Variants in BORA observed in about 807,000 individuals in gnomAD.
BORA encodes protein aurora borealis.
A neutral mutation model predicts 55.8 loss-of-function variants in BORA; 26 were observed. The observed-to-expected ratio is 0.47, with a 90% confidence interval of 0.34 to 0.65. The LOEUF is 0.65. Among genes scored for constraint, BORA ranks in the 30% least tolerant of loss-of-function variants. The pLI is 0.01. For synonymous variants in BORA, 201 were observed against 216.9 expected (o/e 0.93, Z 0.64); for missense variants, 568 against 671.5 (o/e 0.85, Z 1.70).
rs1566232498 is a variant in BORA, at chr13:72,755,221, CCT to C, written c.*8_*9del. On this transcript the variant is annotated 3_prime_UTR_variant, in exon 12 of 12. Coordinates refer to ENST00000390667, the MANE Select transcript of BORA (RefSeq NM_024808.5). Reference sequence around the variant, plus strand: ...TTTCAATGCAGCAGTCCATAGAATGCCTCTGTCAGAATCAAAGACTAAGCTTA... The same window carrying C: ...TTTCAATGCAGCAGTCCATAGAATGCCTGTCAGAATCAAAGACTAAGCTTA... 1 of 1,603,150 alleles carries C rather than the reference CCT, an allele frequency of 6.2e-7. No homozygotes were observed. Among genetic ancestry groups the C allele is most frequent in the Admixed American group, 1.7e-5 (1 of 59,982 alleles).
At chr13:72,734,140 C>A (rs1045463981) in intron 3 of BORA, among the ~76,000 whole-genome samples, 12 of 152,130 alleles carry the variant, frequency 7.9e-5, no homozygotes, top group Middle Eastern at 3.4e-3. Flanking sequence ...TACAACAAAC[C>A]CCAGTGACAC....
At chr13:72,730,858 C>A in intron 2 of BORA, among the ~76,000 whole-genome samples, 1 of 149,906 alleles carries the variant, frequency 6.7e-6, no homozygotes, top group African/African-American at 2.5e-5. Context: ...TGAGACCAGC[C>A]TGGCCAACAT....
chr13:72,730,564 A>C (rs1045971342), intron 2 of BORA, among the ~76,000 whole-genome samples: 1 of 152,168 alleles, frequency 6.6e-6, no homozygotes, highest in Admixed American at 6.5e-5. Context: ...GCCACCTCCA[A>C]AGTGACTAAG....
At chr13:72,730,441 C>T (rs1007776471) in intron 2 of BORA, among the ~76,000 whole-genome samples, 1 of 152,136 alleles carries the variant, frequency 6.6e-6, no homozygotes. Flanking sequence ...TTTCTAATTA[C>T]AGATTAGGAT....
Position 72,755,296 on chromosome 13 carries a change from C to A in BORA, c.*80C>A. 7.9e-7 allele frequency: 1 copy of A among 1,260,298 alleles called. No individual in the cohort carries two copies. The highest frequency in any genetic ancestry group is 1.1e-6 in the Non-Finnish European group (1 of 878,114). The allele number at this position is 1,260,298 out of a possible 1,614,324, so 78.1% of individuals were successfully genotyped here. A position where few individuals can be genotyped will look rare whatever the true frequency, so the allele number is the denominator to read the frequency against. On this transcript the variant is annotated 3_prime_UTR_variant, in exon 12 of 12. Transcript: ENST00000390667. ...GTGCACAGGATCAACATGATGGTGA[C>A]TGGGAAAAAATTACTTCAAGTAACA...
Position 72,734,960 on chromosome 13 carries a change from A to G in BORA, c.261A>G (p.Arg87=). The change falls in exon 4 of 12, where the codon CGA becomes CGG. Residue 87 remains arginine, a splice_region_variant and synonymous_variant. Coordinates refer to ENST00000390667, the MANE Select transcript of BORA (RefSeq NM_024808.5). Reference sequence around the variant, plus strand: ...ATTTTTCTTCTTTATCTTTGTATAGAATAGATAAAGATGTGGAAGACAAAA... The same window carrying G: ...ATTTTTCTTCTTTATCTTTGTATAGGATAGATAAAGATGTGGAAGACAAAA... The part of the protein sequence containing the change: ...HRQALYLSHS[R]IDKDVEDKRQ... 5.1e-6 allele frequency: 8 copies of G among 1,570,318 alleles called. No individual in the cohort carries two copies. The highest frequency in any genetic ancestry group is 7.0e-6 in the Non-Finnish European group (8 of 1,141,886).
chr13:72,728,376 G>A (rs2032732543), intron 1 of BORA: 5 of 599,472 alleles, frequency 8.3e-6, no homozygotes, highest in Non-Finnish European at 1.5e-5. Context: ...GGGGACCCCA[G>A]GCAGTTAATT....
intron 5 of BORA, among the ~76,000 whole-genome samples, chr13:72,738,267 T>A (rs1209589544): frequency 6.6e-6 from 1 of 152,148 alleles, no homozygotes; most frequent in Admixed American, 6.5e-5. Context: ...TTCATGACTA[T>A]TGTGAATGTC....
intron 5 of BORA, among the ~76,000 whole-genome samples, chr13:72,740,799 G>A (rs79541542): frequency 0.01 from 1,549 of 152,244 alleles, 12 homozygotes; most frequent in Middle Eastern, 0.027. Context: ...ACAATAGTTT[G>A]CTGACCCTTA....
intron 4 of BORA, 64 bp from the exon 5 acceptor site, chr13:72,737,898 C>G: frequency 9.6e-7 from 1 of 1,044,916 alleles, no homozygotes. Flanking sequence ...CTTGGAAAAA[C>G]ACAGGTACCG....
rs923386348 is a variant in BORA at position 72,732,166 on chromosome 13, A to G, written c.260+779A>G. On this transcript the variant is annotated intron_variant, in intron 3 of 11. Transcript: ENST00000390667. ...ACATGTTGTTAGTCCAAAACAAAGGATAATCCTTTTCCCTTTGACTTAAGA... is the reference window on the plus strand; with the variant it reads ...ACATGTTGTTAGTCCAAAACAAAGGGTAATCCTTTTCCCTTTGACTTAAGA... 3.3e-5 allele frequency among the ~76,000 whole-genome samples: 5 copies of G among 152,314 alleles called. No homozygotes were observed. In the East Asian group the frequency reaches 7.7e-4, roughly 24 times the overall value.
chr13:72,750,807 ATC>A (rs929406734), intron 10 of BORA, among the ~76,000 whole-genome samples: 9 of 152,124 alleles, frequency 5.9e-5, no homozygotes, highest in Non-Finnish European at 1.0e-4. Flanking sequence ...TCAAATGGTG[ATC>A]TGTTTTATAA....
intron 4 of BORA, among the ~76,000 whole-genome samples, chr13:72,736,945 T>A (rs1593808841): frequency 1.3e-5 from 2 of 151,682 alleles, no homozygotes; most frequent in Non-Finnish European, 2.9e-5. Flanking sequence ...CTTTAATTTT[T>A]TTTCTGGTAA....
chr13:72,742,581 T>G (rs1163873867), intron 5 of BORA, among the ~76,000 whole-genome samples: 1 of 151,974 alleles, frequency 6.6e-6, no homozygotes, highest in Non-Finnish European at 1.5e-5. Flanking sequence ...AAAAAAACAT[T>G]ACTTTGGGAT....
Position 72,746,891 on chromosome 13 carries a change from T to C in BORA, c.1262T>C (p.Leu421Ser). ...SSASEKELAL[L>S]QDVEREKDNN... ...GCTTCTGAGAAAGAATTAGCACTGT[T>C]GCAGGATGTTGAAAGGGAGAAAGAC... Residue 421 changes from leucine (L) to serine (S), a missense_variant, in exon 10 of 12, where the codon TTG becomes TCG. By Grantham distance (145) the Leu-to-Ser change is moderately radical (BLOSUM62 -2). Coordinates refer to ENST00000390667, the MANE Select transcript of BORA (RefSeq NM_024808.5). 1 of 1,614,162 alleles carries C rather than the reference T, an allele frequency of 6.2e-7. No homozygotes were observed. Among genetic ancestry groups the C allele is most frequent in the Non-Finnish European group, 8.5e-7 (1 of 1,180,008 alleles).
intron 6 of BORA, among the ~76,000 whole-genome samples, chr13:72,744,212 G>A (rs942735813): frequency 6.6e-6 from 1 of 152,208 alleles, no homozygotes; most frequent in African/African-American, 2.4e-5. Context: ...TTGAAAATTG[G>A]TTAATGTGAG....
At chr13:72,746,364 C>A in intron 9 of BORA, 137 bp from the exon 10 acceptor site, 2 of 1,082,580 alleles carry the variant, frequency 1.8e-6, no homozygotes, top group Non-Finnish European at 2.6e-6. Flanking sequence ...TTTGACATCA[C>A]AATTTCACTT....
In BORA at chr13:72,727,963, G is replaced by T; in HGVS notation, c.-60G>T. On this transcript the variant is annotated 5_prime_UTR_variant, in exon 1 of 12. Transcript: ENST00000390667. ...GTCGTGGAAGCTGGCCTGGCCCCCG[G>T]AGCTCCCTGGAGTCGGTACTGGGGG... The T allele has an allele frequency of 1.3e-6, 2 of 1,550,614 alleles. No homozygotes were observed. Among genetic ancestry groups the T allele is most frequent in the African/African-American group, 2.7e-5 (2 of 73,190 alleles).
intron 3 of BORA, among the ~76,000 whole-genome samples, chr13:72,732,243 C>A (rs569800271): frequency 1.4e-4 from 21 of 152,304 alleles, no homozygotes; most frequent in Non-Finnish European, 2.2e-4. Context: ...TAAATACTTA[C>A]TGGCTTTTCT....
Sources: allele counts gnomAD v4.1 joint callset (sites outside exome capture counted in the v4.1 genomes callset), GRCh38; gene constraint gnomAD v4.1.1; transcripts MANE v1.5; gene names NCBI Gene and HGNC (gene_info 2026-07-23, HGNC 2026-07-21).